Variants in DMRT1 observed in about 807,000 individuals in gnomAD.
DMRT1 encodes the protein doublesex and mab-3 related transcription factor 1, also known as doublesex- and mab-3-related transcription factor 1.
Under a neutral mutation model 32.3 loss-of-function variants are expected in DMRT1, and 7 were observed. The observed-to-expected ratio is 0.22, with a 90% CI of 0.12 to 0.41. The LOEUF is 0.41. Among genes scored for constraint, DMRT1 ranks in the 10% least tolerant of loss-of-function variants. The pLI is 1.00. For synonymous variants in DMRT1, 278 were observed against 206.1 expected, an observed-to-expected ratio of 1.35 and a Z score of -2.99; for missense variants, 625 against 500.5, an observed-to-expected ratio of 1.25 and a Z score of -2.37.
chr9:884,669 T>A (rs979826373), intron 2 of DMRT1, among the ~76,000 whole-genome samples: 1 of 152,150 alleles, frequency 6.6e-6, no homozygotes, highest in Non-Finnish European at 1.5e-5. Context: ...TATATACCAA[T>A]GGTAACACTT....
At chr9:888,178 A>T (rs1303242227) in intron 2 of DMRT1, among the ~76,000 whole-genome samples, 1 of 152,228 alleles carries the variant, frequency 6.6e-6, no homozygotes, top group African/African-American at 2.4e-5. Flanking sequence ...TAAATGAAGA[A>T]AGTCTGGATG....
At chr9:917,527 C>T (rs1445071487) in intron 4 of DMRT1, among the ~76,000 whole-genome samples, 1 of 152,148 alleles carries the variant, frequency 6.6e-6, no homozygotes, top group African/African-American at 2.4e-5. Context: ...ACAGCTGCTG[C>T]GTTTCCAGAT....
intron 2 of DMRT1, among the ~76,000 whole-genome samples, chr9:856,193 A>G (rs778907159): frequency 1.3e-5 from 2 of 152,196 alleles, no homozygotes; most frequent in Non-Finnish European, 2.9e-5. Context: ...CTGGGATTAC[A>G]GGTGTGAGCC....
chr9:918,010 C>T (rs1177230872), intron 4 of DMRT1, among the ~76,000 whole-genome samples: 1 of 152,152 alleles, frequency 6.6e-6, no homozygotes, highest in Non-Finnish European at 1.5e-5. Flanking sequence ...AATGTGTGCC[C>T]ATAGGTCCTT....
At chr9:892,211 C>T (rs907311009) in intron 2 of DMRT1, among the ~76,000 whole-genome samples, 30 of 152,198 alleles carry the variant, frequency 2.0e-4, no homozygotes, top group African/African-American at 7.0e-4. Flanking sequence ...CTCTGTGATT[C>T]AAGTCAGCTT....
Position 935,796 on chromosome 9 carries a change from G to T in DMRT1, c.967+18889G>T, listed in dbSNP as rs569693168. On this transcript the variant is annotated intron_variant, in intron 4 of 4. Transcript: ENST00000382276. Reference sequence around the variant, plus strand: ...TCCAAGTGGTCTTTTGAGTATAAATGACTTTTGTTTACTTATCAAACCAAA... The same window carrying T: ...TCCAAGTGGTCTTTTGAGTATAAATTACTTTTGTTTACTTATCAAACCAAA... Among the ~76,000 whole-genome samples, 9 of 152,272 alleles carry T rather than the reference G, an allele frequency of 5.9e-5. No homozygotes were observed. The South Asian group carries it at 1.9e-3, about 32-fold the overall frequency.
chr9:863,319 TAA>T (rs34511298), intron 2 of DMRT1, among the ~76,000 whole-genome samples: 68,444 of 134,926 alleles, frequency 0.51, 18,650 homozygotes, highest in East Asian at 0.65. Flanking sequence ...CCACGTCTCT[TAA>T]AAAAAAAAAA....
intron 4 of DMRT1, among the ~76,000 whole-genome samples, chr9:935,439 G>A (rs947618648): frequency 6.6e-6 from 1 of 152,230 alleles, no homozygotes; most frequent in African/African-American, 2.4e-5. Context: ...TTGAGAGAGT[G>A]TAATTGCCGG....
intron 3 of DMRT1, among the ~76,000 whole-genome samples, chr9:902,059 A>ACG (rs2129679478): frequency 6.7e-6 from 1 of 149,962 alleles, no homozygotes; most frequent in African/African-American, 2.4e-5. Flanking sequence ...ACAGGCGTGC[A>ACG]CCACCACGCC....
intron 3 of DMRT1, among the ~76,000 whole-genome samples, chr9:903,476 T>G (rs1384495437): frequency 6.6e-6 from 1 of 152,228 alleles, no homozygotes; most frequent in African/African-American, 2.4e-5. Flanking sequence ...GTTTCACAGA[T>G]GATGAAAGCT....
At chr9:926,687 T>TAG (rs57146042) in intron 4 of DMRT1, among the ~76,000 whole-genome samples, 1,092 of 27,614 alleles carry the variant, frequency 0.04, 10 homozygotes, top group Non-Finnish European at 0.08. Context: ...AAGACACAGG[T>TAG]AGAGAGAGAG....
At chr9:886,671 A>T (rs1389913760) in intron 2 of DMRT1, among the ~76,000 whole-genome samples, 1 of 151,940 alleles carries the variant, frequency 6.6e-6, no homozygotes, top group Admixed American at 6.6e-5. Context: ...AACTTTATGT[A>T]TATATAAATA....
intron 4 of DMRT1, among the ~76,000 whole-genome samples, chr9:933,666 A>C (rs1046369185): frequency 6.6e-6 from 1 of 152,252 alleles, no homozygotes; most frequent in African/African-American, 2.4e-5. Flanking sequence ...AATTTTAATT[A>C]CAATGGAAAA....
At chr9:961,752 G>C (rs1297236395) in intron 4 of DMRT1, among the ~76,000 whole-genome samples, 1 of 152,184 alleles carries the variant, frequency 6.6e-6, no homozygotes, top group Non-Finnish European at 1.5e-5. Context: ...ACTAAATCCT[G>C]ATATGATTCT....
chr9:968,406 T>G lies in DMRT1; in HGVS notation c.*267T>G, dbSNP rs1316008975. 2.4e-6 allele frequency: 1 copy of G among 411,408 alleles called. No homozygotes were observed. The highest frequency in any genetic ancestry group is 4.4e-6 in the Non-Finnish European group (1 of 225,626). 25.5% of individuals were successfully genotyped at this position (411,408 alleles called of 1,614,324 possible). A position where few individuals can be genotyped will look rare whatever the true frequency, so the allele number is the denominator to read the frequency against. ...TAATGACACTGGTTTCATGTAGTTTTCAAGAAATAAAAGAATTCATTCAAG... is the reference window on the plus strand; with the variant it reads ...TAATGACACTGGTTTCATGTAGTTTGCAAGAAATAAAAGAATTCATTCAAG... On this transcript the variant is annotated 3_prime_UTR_variant, in exon 5 of 5. Coordinates refer to ENST00000382276, the MANE Select transcript of DMRT1 (RefSeq NM_021951.3).
chr9:902,182 T>G (rs933613805), intron 3 of DMRT1, among the ~76,000 whole-genome samples: 1 of 151,888 alleles, frequency 6.6e-6, no homozygotes, highest in African/African-American at 2.4e-5. Context: ...AGTGCTGGGA[T>G]TACAGGCGTG....
intron 4 of DMRT1, among the ~76,000 whole-genome samples, chr9:923,071 T>C (rs905137658): frequency 2.6e-5 from 4 of 152,162 alleles, no homozygotes; most frequent in Admixed American, 6.5e-5. Flanking sequence ...ACTGATACCA[T>C]AGGCCTCTCC....
At chr9:881,902 T>G (rs1461977740) in intron 2 of DMRT1, among the ~76,000 whole-genome samples, 2 of 152,218 alleles carry the variant, frequency 1.3e-5, no homozygotes, top group African/African-American at 4.8e-5. Context: ...CCAAACTGTC[T>G]CTGGTATCTT....
intron 2 of DMRT1, among the ~76,000 whole-genome samples, chr9:864,153 A>T (rs1408391572): frequency 1.3e-5 from 2 of 152,118 alleles, no homozygotes; most frequent in African/African-American, 4.8e-5. Context: ...AAATGGCCAT[A>T]GAATGGCTAA....
Sources: allele counts gnomAD v4.1 joint callset (sites outside exome capture counted in the v4.1 genomes callset), GRCh38; gene constraint gnomAD v4.1.1; transcripts MANE v1.5; gene names NCBI Gene and HGNC (gene_info 2026-07-23, HGNC 2026-07-21).